Variants in PCDH15 observed in about 807,000 individuals in gnomAD.
PCDH15 encodes protocadherin-15.
PCDH15 carries 129 observed loss-of-function variants against 178.5 expected under a neutral mutation model. That is an observed-to-expected ratio of 0.72 (90% CI 0.63 to 0.84). The LOEUF is 0.84. Among genes scored for constraint, PCDH15 ranks in the 40% least tolerant of loss-of-function variants. The probability of loss-of-function intolerance (pLI) is 0.00; values close to 1 mark genes in which losing one functional copy is unlikely to be tolerated. For missense variants in PCDH15, 2,230 were observed against 2,099.9 expected, an observed-to-expected ratio of 1.06 and a Z score of -1.21; for synonymous variants, 800 against 732.0, an observed-to-expected ratio of 1.09 and a Z score of -1.50.
chr10:54,729,061 C>CA (rs1417017207), intron 1 of PCDH15, among the ~76,000 whole-genome samples: 2 of 151,130 alleles, frequency 1.3e-5, no homozygotes, highest in East Asian at 1.9e-4. Context: ...CACATAATTA[C>CA]AAAAAACTAT....
At chr10:54,515,879 G>A (rs1353211521) in intron 3 of PCDH15, among the ~76,000 whole-genome samples, 2 of 152,194 alleles carry the variant, frequency 1.3e-5, no homozygotes, top group Non-Finnish European at 2.9e-5. Context: ...TGATACCCAG[G>A]CAAACAGGGT....
At chr10:54,905,888 C>A (rs911642988) in intron 2 of PCDH15, among the ~76,000 whole-genome samples, 1 of 152,000 alleles carries the variant, frequency 6.6e-6, no homozygotes, top group African/African-American at 2.4e-5. Flanking sequence ...GCAGATTAAC[C>A]GATTTACTTT....
chr10:54,254,567 A>G (rs1483784090), intron 8 of PCDH15, among the ~76,000 whole-genome samples: 3 of 152,148 alleles, frequency 2.0e-5, no homozygotes, highest in African/African-American at 7.2e-5. Context: ...CACAAACAGA[A>G]TAGAAGCTTC....
chr10:54,086,366 C>G (rs753874282), intron 16 of PCDH15, among the ~76,000 whole-genome samples: 1 of 152,122 alleles, frequency 6.6e-6, no homozygotes, highest in African/African-American at 2.4e-5. Flanking sequence ...AGCGGTCTGC[C>G]TCCATGACCC....
chr10:54,645,189 T>A (rs1334978432), intron 2 of PCDH15, among the ~76,000 whole-genome samples: 1 of 152,168 alleles, frequency 6.6e-6, no homozygotes, highest in East Asian at 1.9e-4. Context: ...GGTTGGCATG[T>A]CTGTGTATTT....
At chr10:53,980,017 G>A (rs1433304193) in intron 21 of PCDH15, among the ~76,000 whole-genome samples, 4 of 151,984 alleles carry the variant, frequency 2.6e-5, no homozygotes, top group South Asian at 2.1e-4. Flanking sequence ...TCAAGAGTTC[G>A]TGACCAGCCT....
At chr10:54,127,004 T>C (rs1448842248) in intron 15 of PCDH15, among the ~76,000 whole-genome samples, 1 of 152,168 alleles carries the variant, frequency 6.6e-6, no homozygotes, top group Admixed American at 6.6e-5. Flanking sequence ...TTTGTTATTT[T>C]AAAAGCAATA....
intron 15 of PCDH15, among the ~76,000 whole-genome samples, chr10:54,116,809 T>C (rs2095121103): frequency 6.6e-6 from 1 of 152,218 alleles, no homozygotes; most frequent in African/African-American, 2.4e-5. Flanking sequence ...AGTAATTTTA[T>C]ATATGTTGAA....
chr10:54,891,459 T>C (rs1954460995), intron 3 of PCDH15, among the ~76,000 whole-genome samples: 2 of 152,086 alleles, frequency 1.3e-5, no homozygotes, highest in African/African-American at 4.8e-5. Flanking sequence ...AGTGAGAGGA[T>C]GGTGAATAAA....
intron 1 of PCDH15, among the ~76,000 whole-genome samples, chr10:55,265,473 C>A (rs1842264601): frequency 6.6e-6 from 1 of 152,032 alleles, no homozygotes; most frequent in African/African-American, 2.4e-5. Flanking sequence ...AAGCAGTACA[C>A]TCTGCAAGCA....
At chr10:53,963,296 A>G (rs1234069075) in intron 21 of PCDH15, among the ~76,000 whole-genome samples, 1 of 152,136 alleles carries the variant, frequency 6.6e-6, no homozygotes, top group Non-Finnish European at 1.5e-5. Context: ...ACTACACGTC[A>G]CCACTGATGA....
intron 1 of PCDH15, among the ~76,000 whole-genome samples, chr10:54,795,226 A>T (rs1221570398): frequency 6.6e-6 from 1 of 151,736 alleles, no homozygotes; most frequent in Non-Finnish European, 1.5e-5. Context: ...CACTCATCTT[A>T]CTATAAACAT....
intron 10 of PCDH15, among the ~76,000 whole-genome samples, chr10:54,205,234 T>C (rs1029359904): frequency 3.3e-5 from 5 of 152,114 alleles, no homozygotes; most frequent in African/African-American, 1.2e-4. Flanking sequence ...TATAGGTAGC[T>C]GTTACACTAA....
chr10:55,085,014 T>C (rs1842132399), intron 2 of PCDH15, among the ~76,000 whole-genome samples: 1 of 152,050 alleles, frequency 6.6e-6, no homozygotes, highest in Admixed American at 6.6e-5. Context: ...GAGAACAGTA[T>C]GGAAGTTCCT....
intron 7 of PCDH15, among the ~76,000 whole-genome samples, chr10:54,329,069 C>T (rs1168307727): frequency 6.6e-6 from 1 of 151,768 alleles, no homozygotes; most frequent in East Asian, 1.9e-4. Flanking sequence ...GCATAAACTT[C>T]AGTTATGGGA....
intron 2 of PCDH15, among the ~76,000 whole-genome samples, chr10:55,614,220 C>T (rs1423710881): frequency 6.6e-6 from 1 of 151,968 alleles, no homozygotes; most frequent in South Asian, 2.1e-4. Flanking sequence ...AGTCAGGAAG[C>T]GTGTAGTAAA....
At chr10:55,498,566 T>C (rs961191187) in intron 2 of PCDH15, among the ~76,000 whole-genome samples, 2 of 151,888 alleles carry the variant, frequency 1.3e-5, no homozygotes, top group Non-Finnish European at 1.5e-5. Flanking sequence ...CATAACCTCA[T>C]TGTTCAATAC....
chr10:53,971,225 C>A (rs10763032), intron 21 of PCDH15, among the ~76,000 whole-genome samples: 78,076 of 151,956 alleles, frequency 0.51, 21,759 homozygotes, highest in Middle Eastern at 0.68. Context: ...AGGCATTTGA[C>A]AAAATTCAAC....
intron 2 of PCDH15, among the ~76,000 whole-genome samples, chr10:55,418,289 G>T (rs1285860337): frequency 3.3e-5 from 5 of 151,680 alleles, no homozygotes; most frequent in African/African-American, 1.2e-4. Context: ...TTAGAAATAT[G>T]AAGCTTTTCT....
Sources: gnomAD v4.1 joint callset for allele counts (sites outside exome capture counted in the v4.1 genomes callset) on GRCh38, gnomAD v4.1.1 for gene constraint, MANE v1.5 for transcripts, NCBI Gene and HGNC (gene_info 2026-07-23, HGNC 2026-07-21) for gene names.